SLC66A2: variants seen among roughly 807,000 people sequenced by gnomAD.
SLC66A2 encodes the protein PQ loop repeat containing 1.
Under a neutral mutation model 25.5 loss-of-function variants are expected in SLC66A2, and 23 were observed. The ratio of observed to expected loss-of-function variants is 0.90; its 90% confidence interval spans 0.65 to 1.28. SLC66A2 has a LOEUF of 1.28. Among genes scored for constraint, SLC66A2 ranks in the 50% most tolerant of loss-of-function variants. The pLI, the probability that SLC66A2 is intolerant of heterozygous loss-of-function variation, is 0.00. For missense variants in SLC66A2, 396 were observed against 373.1 expected, an observed-to-expected ratio of 1.06 and a Z score of -0.51; for synonymous variants, 193 against 166.5, an observed-to-expected ratio of 1.16 and a Z score of -1.23.
Position 79,904,033 on chromosome 18 carries a change from G to A in SLC66A2, c.759C>T (p.Arg253=), listed in dbSNP as rs369092263. The part of the protein sequence containing the change: ...AILGQAYAFA[R]HPQKPAPHAV... ...CGTGGGGCGCCGGCTTCTGGGGGTG[G>A]CGGGCGAAGGCGTAGGCCTGCCCCA... The change falls in exon 6 of 6, where the codon CGC becomes CGT. Residue 253 remains arginine, a synonymous_variant. Coordinates refer to ENST00000397778, the MANE Select transcript of SLC66A2 (RefSeq NM_025078.5). The surrounding 1 kb of genome is among the most constrained non-coding windows in gnomAD (Gnocchi z 6.3). 4.4e-6 allele frequency: 7 copies of A among 1,605,672 alleles called. No individual in the cohort carries two copies. Among genetic ancestry groups the A allele is most frequent in the Non-Finnish European group, 5.9e-6 (7 of 1,176,932 alleles).
intron 4 of SLC66A2, among the ~76,000 whole-genome samples, chr18:79,933,276 G>A (rs1175749765): frequency 6.6e-6 from 1 of 152,140 alleles, no homozygotes; most frequent in Non-Finnish European, 1.5e-5. Context: ...TCGAATAAAA[G>A]GGAACTGCCT....
chr18:79,916,277 G>GTGGTGCTCCCGTACCCA (rs1316294536), intron 5 of SLC66A2, among the ~76,000 whole-genome samples: 1,317 of 127,010 alleles, frequency 0.01, 86 homozygotes, highest in African/African-American at 0.042. Context: ...TCCCGTACCC[G>GTGGTGCTCCCGTACCCA]TGGTGCTCCC....
In SLC66A2 at chr18:79,919,192, C is replaced by A. The variant is rs150969347; in HGVS notation, c.600G>T (p.Glu200Asp). The A allele has an allele frequency of 3.1e-4, 500 of 1,612,996 alleles. No homozygotes were observed. The highest frequency in any genetic ancestry group is 3.7e-4 in the Non-Finnish European group (440 of 1,179,984). Reference protein sequence around the residue: ...LYRNHRHQSTEGMSIKMVLMW... With the variant: ...LYRNHRHQSTDGMSIKMVLMW... Reference sequence around the variant, plus strand: ...CGGCATCCCCGGCCTACCTCATGCCCTCCGTGGACTGGTGGCGGTGGTTGC... The same window carrying A: ...CGGCATCCCCGGCCTACCTCATGCCATCCGTGGACTGGTGGCGGTGGTTGC... The change falls in exon 5 of 6, where the codon GAG (glutamate) becomes GAT (aspartate). Residue 200 changes from glutamate to aspartate, a missense_variant. By Grantham distance (45) the Glu-to-Asp change is conservative. Coordinates refer to ENST00000397778, the MANE Select transcript of SLC66A2 (RefSeq NM_025078.5).
At chr18:79,946,959 G>A (rs535072372) in intron 2 of SLC66A2, among the ~76,000 whole-genome samples, 4 of 152,086 alleles carry the variant, frequency 2.6e-5, no homozygotes, top group Non-Finnish European at 4.4e-5. Context: ...CGAGACTCTT[G>A]TCTAAAAGAA....
At chr18:79,910,551 A>AT (rs948646612) in intron 5 of SLC66A2, among the ~76,000 whole-genome samples, 5 of 152,142 alleles carry the variant, frequency 3.3e-5, no homozygotes, top group African/African-American at 9.7e-5. Flanking sequence ...AAATTTGAGC[A>AT]TTTTTTTCGC....
rs1004069130 is a variant in SLC66A2 at position 79,941,918 on chromosome 18, G to A, written c.337+1411C>T. On this transcript the variant is annotated intron_variant, in intron 3 of 5. Coordinates refer to ENST00000397778, the MANE Select transcript of SLC66A2 (RefSeq NM_025078.5). The surrounding 1 kb of genome is among the most constrained non-coding windows in gnomAD (Gnocchi z 4.1). Reference sequence around the variant, plus strand: ...GAGGACAGCAGAAACTCCCAGCAACGCACTGGGCATCTTAGGCACAAACCG... The same window carrying A: ...GAGGACAGCAGAAACTCCCAGCAACACACTGGGCATCTTAGGCACAAACCG... 2.0e-5 allele frequency among the ~76,000 whole-genome samples: 3 copies of A among 152,136 alleles called. No homozygotes were observed. The highest frequency in any genetic ancestry group is 2.9e-5 in the Non-Finnish European group (2 of 68,032).
chr18:79,906,840 G>T (rs1324942925), intron 5 of SLC66A2, among the ~76,000 whole-genome samples: 1 of 152,190 alleles, frequency 6.6e-6, no homozygotes, highest in Non-Finnish European at 1.5e-5. Context: ...TCCAGGCTCT[G>T]GGGTTCCATG....
chr18:79,928,994 G>T (rs1986288298), intron 4 of SLC66A2, among the ~76,000 whole-genome samples: 1 of 152,196 alleles, frequency 6.6e-6, no homozygotes, highest in Non-Finnish European at 1.5e-5. Flanking sequence ...CCTGGGGATG[G>T]CGGTATCAGG....
In SLC66A2 at chr18:79,933,980, C is replaced by A. The variant is rs775301153; in HGVS notation, c.380G>T (p.Arg127Leu). The A allele has an allele frequency of 1.2e-6, 2 of 1,612,348 alleles. No individual in the cohort carries two copies. Among genetic ancestry groups the A allele is most frequent in the South Asian group, 1.1e-5 (1 of 90,270 alleles). The change falls in exon 4 of 6, where the codon CGG becomes CTG. Residue 127 changes from arginine (R) to leucine (L), a missense_variant. Coordinates refer to ENST00000397778, the MANE Select transcript of SLC66A2 (RefSeq NM_025078.5). ...CGCAGGGTACATACCCAGGAAGGAC[C>A]GCCTGGGGGCAACCTTGACTTCTTC... ...KDEEVKVAPRRSFLDFDPHHF... is the reference protein window; with the variant it reads ...KDEEVKVAPRLSFLDFDPHHF...
intron 5 of SLC66A2, among the ~76,000 whole-genome samples, chr18:79,905,548 C>T (rs1981995328): frequency 2.0e-5 from 3 of 152,360 alleles, no homozygotes; most frequent in South Asian, 2.1e-4. Context: ...GGTGCAAAGG[C>T]GCCTGCCTTT....
Position 79,919,412 on chromosome 18 carries a change from G to T in SLC66A2, c.392-12C>A. ...GTGGGGGTCGAAGTCTAGGGCGAGA[G>T]GGAGAAGCAGCCTCAGCACAGCTTA... On this transcript the variant is annotated splice_polypyrimidine_tract_variant and intron_variant, in intron 4 of 5. Transcript: ENST00000397778. 6.2e-7 allele frequency: 1 copy of T among 1,610,158 alleles called. No homozygotes were observed. The highest frequency in any genetic ancestry group is 2.2e-5 in the East Asian group (1 of 44,768).
chr18:79,923,455 C>G (rs1386060968), intron 4 of SLC66A2, among the ~76,000 whole-genome samples: 3 of 152,062 alleles, frequency 2.0e-5, no homozygotes, highest in African/African-American at 7.3e-5. Context: ...GGTCTAAGGT[C>G]CATCTCTGGG....
intron 5 of SLC66A2, chr18:79,915,977 A>C (rs985463090): frequency 7.6e-6 from 1 of 131,092 alleles, no homozygotes; most frequent in Non-Finnish European, 1.6e-5. Context: ...TAACTCCCAC[A>C]GTGCTTCTGT....
intron 4 of SLC66A2, among the ~76,000 whole-genome samples, chr18:79,932,041 A>C (rs980327319): frequency 1.3e-5 from 2 of 152,228 alleles, no homozygotes; most frequent in African/African-American, 4.8e-5. Context: ...TACTGGAATA[A>C]TACAGAGTAT....
At chr18:79,938,436 G>A (rs542698111) in intron 3 of SLC66A2, among the ~76,000 whole-genome samples, 4 of 152,284 alleles carry the variant, frequency 2.6e-5, no homozygotes, top group African/African-American at 4.8e-5. Context: ...CTGGGCACTC[G>A]GGGCCCTGTG....
chr18:79,918,752 G>A lies in SLC66A2; in HGVS notation c.608+432C>T, dbSNP rs371279069. 7.7e-4 allele frequency among the ~76,000 whole-genome samples: 117 copies of A among 152,338 alleles called. No homozygotes were observed. The East Asian group carries it at 0.01, about 13-fold the overall frequency. On this transcript the variant is annotated intron_variant, in intron 5 of 5. Transcript: ENST00000397778. The surrounding 1 kb of genome is among the most constrained non-coding windows in gnomAD (Gnocchi z 4.0). ...CCTTCTACCACATACCTCAGAGGCC[G>A]GAGGCCGTGCTGGGGCCAGTGGGGA...
intron 5 of SLC66A2, among the ~76,000 whole-genome samples, chr18:79,911,290 C>T (rs905967083): frequency 4.6e-5 from 7 of 152,262 alleles, no homozygotes; most frequent in Non-Finnish European, 1.0e-4. Context: ...ACGCCTCCAA[C>T]ACACAGAACC....
At chr18:79,932,085 C>T (rs548737731) in intron 4 of SLC66A2, among the ~76,000 whole-genome samples, 14 of 152,124 alleles carry the variant, frequency 9.2e-5, no homozygotes, top group African/African-American at 2.7e-4. Flanking sequence ...AATTTGAAAT[C>T]GATAACAGAA....
rs186210922 is a variant in SLC66A2, at chr18:79,945,472, G to C, written c.204-2010C>G. Among the ~76,000 whole-genome samples, 656 of 152,276 alleles carry C rather than the reference G, an allele frequency of 4.3e-3. 4 individuals carry two copies. Among genetic ancestry groups the C allele is most frequent in the African/African-American group, 0.015 (617 of 41,548 alleles). ...GCAGGCACACAAGCTGTACCTCCAG[G>C]AATATCACCCAGGTCAGCAGGGGCC... On this transcript the variant is annotated intron_variant, in intron 2 of 5. Transcript: ENST00000397778.
Sources: allele counts gnomAD v4.1 joint callset (sites outside exome capture counted in the v4.1 genomes callset), GRCh38; gene constraint gnomAD v4.1.1; non-coding constraint Gnocchi (gnomAD v3.1); transcripts MANE v1.5; gene names NCBI Gene and HGNC (gene_info 2026-07-23, HGNC 2026-07-21).